Variants in CECR2 observed in about 807,000 individuals in gnomAD.
CECR2 encodes CECR2 histone acetyl-lysine reader, also known as chromatin remodeling regulator CECR2.
A neutral mutation model predicts 154.5 loss-of-function variants in CECR2; 30 were observed. That is an observed-to-expected ratio of 0.19 (90% CI 0.15 to 0.26). CECR2 has a LOEUF of 0.26. Among genes scored for constraint, CECR2 ranks in the 10% least tolerant of loss-of-function variants. The pLI, the probability that CECR2 is intolerant of heterozygous loss-of-function variation, is 1.00. For synonymous variants in CECR2, 725 were observed against 683.7 expected, an observed-to-expected ratio of 1.06 and a Z score of -0.94; for missense variants, 1,743 against 1,829.3, an observed-to-expected ratio of 0.95 and a Z score of 0.86.
chr22:17,418,661 C>A (rs531481336), intron 1 of CECR2: 5 of 325,330 alleles, frequency 1.5e-5, no homozygotes, highest in Non-Finnish European at 2.6e-5. Context: ...GCCAGACACT[C>A]GCGAGGGGCA....
chr22:17,387,441 G>A (rs1318580513), intron 1 of CECR2, among the ~76,000 whole-genome samples: 1 of 152,144 alleles, frequency 6.6e-6, no homozygotes, highest in East Asian at 1.9e-4. Context: ...GAGCAGCCAC[G>A]ACACAGCCAG....
intron 1 of CECR2, among the ~76,000 whole-genome samples, chr22:17,372,997 T>G (rs2063078326): frequency 6.6e-6 from 1 of 152,142 alleles, no homozygotes; most frequent in South Asian, 2.1e-4. Flanking sequence ...CTCCAAGAGA[T>G]TAAGACCTTC....
chr22:17,406,967 T>G (rs936774697), intron 1 of CECR2, among the ~76,000 whole-genome samples: 10 of 152,188 alleles, frequency 6.6e-5, no homozygotes, highest in Admixed American at 1.3e-4. Flanking sequence ...CAAGCAGATG[T>G]GTCAGTGAGT....
intron 2 of CECR2, among the ~76,000 whole-genome samples, chr22:17,486,152 T>C (rs1036633869): frequency 6.6e-6 from 1 of 151,842 alleles, no homozygotes; most frequent in Admixed American, 6.6e-5. Context: ...TCTAAAAGGG[T>C]TTTTAAATCC....
chr22:17,407,281 A>G (rs2053998593), intron 1 of CECR2, among the ~76,000 whole-genome samples: 1 of 152,208 alleles, frequency 6.6e-6, no homozygotes, highest in South Asian at 2.1e-4. Context: ...AGGCTGGTGA[A>G]TGAGAATACC....
intron 1 of CECR2, among the ~76,000 whole-genome samples, chr22:17,427,555 A>G (rs1343546463): frequency 1.3e-5 from 2 of 152,086 alleles, no homozygotes; most frequent in East Asian, 3.9e-4. Context: ...CGCTGACTTT[A>G]GGAGTGAAGC....
intron 9 of CECR2, among the ~76,000 whole-genome samples, chr22:17,530,524 A>T (rs977716740): frequency 6.6e-6 from 1 of 152,038 alleles, no homozygotes; most frequent in Non-Finnish European, 1.5e-5. Flanking sequence ...ATACAAAAAA[A>T]AAATTAGCCG....
rs150027214 is a variant in CECR2 at position 17,527,570 on chromosome 22, C to G, written c.1108+3299C>G. Among the ~76,000 whole-genome samples the G allele has an allele frequency of 2.8e-3, 420 of 152,204 alleles. 3 individuals carry two copies. Among genetic ancestry groups the G allele is most frequent in the African/African-American group, 9.6e-3 (400 of 41,548 alleles). ...TGACTTGAGATCAGGAGTTCAAGAC[C>G]AACCTGGCCAACATGGCAAAACCCT... On this transcript the variant is annotated intron_variant, in intron 9 of 18. Coordinates refer to ENST00000262608, the MANE Select transcript of CECR2 (RefSeq NM_001290047.2).
intron 1 of CECR2, among the ~76,000 whole-genome samples, chr22:17,427,584 G>A (rs1169094884): frequency 2.6e-5 from 4 of 152,150 alleles, no homozygotes; most frequent in Non-Finnish European, 5.9e-5. Flanking sequence ...CTTGCAGTGA[G>A]TGTTACAGCT....
At chr22:17,465,971 A>G (rs1271987840) in intron 1 of CECR2, among the ~76,000 whole-genome samples, 1 of 151,926 alleles carries the variant, frequency 6.6e-6, no homozygotes, top group African/African-American at 2.4e-5. Flanking sequence ...TCCTCAGAGC[A>G]TTTATTGAAC....
chr22:17,526,384 C>T (rs1350629301), intron 9 of CECR2, among the ~76,000 whole-genome samples: 2 of 152,154 alleles, frequency 1.3e-5, no homozygotes, highest in Admixed American at 6.6e-5. Context: ...AACACACGTG[C>T]TAAGAACATA....
chr22:17,364,342 C>CAAATAAAAAA (rs2062991016), intron 1 of CECR2, among the ~76,000 whole-genome samples: 1 of 52,946 alleles, frequency 1.9e-5, no homozygotes, highest in Non-Finnish European at 3.0e-5. Flanking sequence ...GACTCTGTCT[C>CAAATAAAAAA]AAAAAAAAAA....
intron 1 of CECR2, among the ~76,000 whole-genome samples, chr22:17,447,117 C>T (rs2054683462): frequency 6.8e-6 from 1 of 146,112 alleles, no homozygotes; most frequent in Non-Finnish European, 1.5e-5. Context: ...TCACTGTAAG[C>T]TCCGCCTCCC....
intron 12 of CECR2, 32 bp downstream of exon 12, chr22:17,538,763 T>G (rs1315221061): frequency 6.5e-7 from 1 of 1,535,972 alleles, no homozygotes. Context: ...ATGCCTACTA[T>G]AGTGTGTATA....
intron 1 of CECR2, among the ~76,000 whole-genome samples, chr22:17,381,892 T>G (rs569711571): frequency 2.1e-3 from 315 of 148,600 alleles, no homozygotes; most frequent in African/African-American, 7.7e-3. Flanking sequence ...ACATTTTTTT[T>G]TTTTGTTTTT....
chr22:17,480,748 A>C (rs573309215), intron 2 of CECR2, among the ~76,000 whole-genome samples: 2 of 152,264 alleles, frequency 1.3e-5, no homozygotes, highest in Admixed American at 1.3e-4. Flanking sequence ...TTAAAAAGTT[A>C]CTTAATTTCG....
chr22:17,523,329 G>A (rs1419659095), intron 8 of CECR2, among the ~76,000 whole-genome samples: 1 of 151,036 alleles, frequency 6.6e-6, no homozygotes, highest in Non-Finnish European at 1.5e-5. Flanking sequence ...GTTGTAGTGA[G>A]CCAAGATCAT....
intron 10 of CECR2, among the ~76,000 whole-genome samples, chr22:17,538,285 C>A (rs1010150893): frequency 6.6e-6 from 1 of 152,186 alleles, no homozygotes; most frequent in Admixed American, 6.5e-5. Flanking sequence ...TCTGGATCAT[C>A]CAGGCCAACC....
chr22:17,459,259 G>C (rs570329074), intron 1 of CECR2, among the ~76,000 whole-genome samples: 3 of 152,168 alleles, frequency 2.0e-5, no homozygotes, highest in Admixed American at 1.3e-4. Flanking sequence ...AAAAGATCCA[G>C]AGCAAAGATG....
Sources: allele counts gnomAD v4.1 joint callset (sites outside exome capture counted in the v4.1 genomes callset), GRCh38; gene constraint gnomAD v4.1.1; transcripts MANE v1.5; gene names NCBI Gene and HGNC (gene_info 2026-07-23, HGNC 2026-07-21).